WDFY3: variants seen among roughly 807,000 people sequenced by gnomAD.
WDFY3 encodes WD repeat and FYVE domain-containing protein 3.
A neutral mutation model predicts 409.6 loss-of-function variants in WDFY3; 66 were observed. The ratio of observed to expected loss-of-function variants is 0.16; its 90% CI spans 0.13 to 0.20. The LOEUF (loss-of-function observed/expected upper bound fraction) is 0.20. Among genes scored for constraint, WDFY3 ranks in the 10% least tolerant of loss-of-function variants. WDFY3 has a pLI of 1.00. For synonymous variants in WDFY3, 1,521 were observed against 1,537.1 expected (o/e 0.99, Z 0.25); for missense variants, 3,031 against 4,298.1 (o/e 0.71, Z 8.24).
chr4:84,877,237 C>A lies in WDFY3; in HGVS notation c.-31-16615G>T, dbSNP rs191831105. Among the ~76,000 whole-genome samples, 4 of 152,320 alleles carry A rather than the reference C, an allele frequency of 2.6e-5. No individual in the cohort carries two copies. In the East Asian group the frequency reaches 7.7e-4, roughly 29 times the overall value. ...TTGCTCTGCCTGCACGCACCCTGAG[C>A]CCTCTCCTGGGGGCTCTCCCCGTCT... is the stretch of plus-strand genomic sequence containing the variant. On this transcript the variant is annotated intron_variant, in intron 3 of 67. Coordinates refer to ENST00000295888, the MANE Select transcript of WDFY3 (RefSeq NM_014991.6).
chr4:84,787,840 G>T, intron 22 of WDFY3, 127 bp from the exon 23 acceptor site: 2 of 869,418 alleles, frequency 2.3e-6, no homozygotes, highest in Non-Finnish European at 3.5e-6. Context: ...AACATTTGGG[G>T]TGGAGAAACA....
At chr4:84,900,672 G>T (rs981626916) in intron 2 of WDFY3, among the ~76,000 whole-genome samples, 1 of 152,170 alleles carries the variant, frequency 6.6e-6, no homozygotes, top group South Asian at 2.1e-4. Flanking sequence ...GTTGCCAGGG[G>T]TTAGAGGTGA....
intron 1 of WDFY3, among the ~76,000 whole-genome samples, chr4:84,955,283 G>A (rs982103842): frequency 6.6e-6 from 1 of 151,660 alleles, no homozygotes; most frequent in Admixed American, 6.6e-5. Flanking sequence ...ACAGTAAAGA[G>A]GAATTAAGAA....
At chr4:84,962,571 G>A (rs1775048282) in intron 1 of WDFY3, among the ~76,000 whole-genome samples, 2 of 152,038 alleles carry the variant, frequency 1.3e-5, no homozygotes, top group Admixed American at 1.3e-4. Flanking sequence ...CTTGACTGTG[G>A]TGGAGACTAT....
chr4:84,927,733 C>T (rs566716572), intron 2 of WDFY3, among the ~76,000 whole-genome samples: 25 of 152,232 alleles, frequency 1.6e-4, no homozygotes, highest in African/African-American at 6.0e-4. Flanking sequence ...CTCCTGCTGC[C>T]CTGTGAAGAT....
intron 13 of WDFY3, among the ~76,000 whole-genome samples, chr4:84,812,530 G>C (rs1752670269): frequency 6.6e-6 from 1 of 152,016 alleles, no homozygotes; most frequent in East Asian, 1.9e-4. Context: ...AACCTCAAAG[G>C]AAATACATGT....
At chr4:84,789,317 G>GAA (rs778391640) in intron 22 of WDFY3, among the ~76,000 whole-genome samples, 1 of 148,878 alleles carries the variant, frequency 6.7e-6, no homozygotes, top group East Asian at 2.0e-4. Flanking sequence ...TGAAAACAAA[G>GAA]AAAAAAAAAC....
At chr4:84,867,448 T>C (rs1296873197) in intron 3 of WDFY3, among the ~76,000 whole-genome samples, 1 of 152,224 alleles carries the variant, frequency 6.6e-6, no homozygotes, top group Non-Finnish European at 1.5e-5. Flanking sequence ...TTATAAGGAT[T>C]ATTGTGTATA....
intron 1 of WDFY3, among the ~76,000 whole-genome samples, chr4:84,962,729 G>A (rs1422738232): frequency 1.3e-5 from 2 of 148,826 alleles, no homozygotes; most frequent in African/African-American, 2.5e-5. Flanking sequence ...GTTGGAGTGC[G>A]GTGGCGCCAT....
intron 1 of WDFY3, among the ~76,000 whole-genome samples, chr4:84,940,477 T>C: frequency 6.6e-6 from 1 of 152,062 alleles, no homozygotes; most frequent in East Asian, 1.9e-4. Context: ...TAAAAAAAGG[T>C]TTACTTTGAA....
chr4:84,710,331 A>T (rs1340079791), intron 51 of WDFY3, among the ~76,000 whole-genome samples: 2 of 152,246 alleles, frequency 1.3e-5, no homozygotes, highest in Non-Finnish European at 2.9e-5. Context: ...GTATAACAGG[A>T]AAGTCATTGC....
chr4:84,817,617 C>T (rs753725688), intron 12 of WDFY3, 32 bp from the exon 13 acceptor site: 9 of 1,557,034 alleles, frequency 5.8e-6, no homozygotes, highest in Non-Finnish European at 7.0e-6. Flanking sequence ...CCAACAATGG[C>T]TACTTTAAAA....
intron 45 of WDFY3, among the ~76,000 whole-genome samples, chr4:84,725,762 C>T (rs1031428792): frequency 2.6e-5 from 4 of 152,102 alleles, no homozygotes; most frequent in East Asian, 1.9e-4. Flanking sequence ...TTTCAAGCAA[C>T]ATTTTTTTTA....
intron 29 of WDFY3, among the ~76,000 whole-genome samples, chr4:84,773,884 C>A (rs1490485220): frequency 6.6e-6 from 1 of 152,096 alleles, no homozygotes; most frequent in Non-Finnish European, 1.5e-5. Context: ...CCATGCCTGG[C>A]TAATTGTTCC....
At chr4:84,847,493 G>A (rs908492660) in intron 5 of WDFY3, among the ~76,000 whole-genome samples, 14 of 151,464 alleles carry the variant, frequency 9.2e-5, no homozygotes, top group Middle Eastern at 3.4e-3. Context: ...ACCGCCGGGC[G>A]CAGTGGCTCA....
At chr4:84,730,631 T>C (rs541028388) in intron 44 of WDFY3, among the ~76,000 whole-genome samples, 1 of 152,302 alleles carries the variant, frequency 6.6e-6, no homozygotes, top group East Asian at 1.9e-4. Context: ...TTCAGAGGGC[T>C]GTTATAAGAC....
At chr4:84,676,857 A>C (rs1315902307) in intron 67 of WDFY3, among the ~76,000 whole-genome samples, 1 of 152,200 alleles carries the variant, frequency 6.6e-6, no homozygotes, top group Non-Finnish European at 1.5e-5. Context: ...GCATAAAAAC[A>C]TGGAGAATGG....
chr4:84,691,481 C>G (rs1729252731), intron 60 of WDFY3, 150 bp downstream of exon 60: 1 of 782,108 alleles, frequency 1.3e-6, no homozygotes, highest in Non-Finnish European at 2.0e-6. Flanking sequence ...GCTCTCCTTT[C>G]CCCAAATAGG....
At position 84,817,418 on chromosome 4, in the gene WDFY3, A is replaced by G; in HGVS notation, c.1861T>C (p.Leu621=). 2 of 1,613,718 alleles carry G rather than the reference A, an allele frequency of 1.2e-6. No homozygotes were observed. Among genetic ancestry groups the G allele is most frequent in the East Asian group, 2.2e-5 (1 of 44,868 alleles). Residue 621 remains leucine, a synonymous_variant, in exon 13 of 68, where the codon TTG becomes CTG. Coordinates refer to ENST00000295888, the MANE Select transcript of WDFY3 (RefSeq NM_014991.6). The part of the protein sequence containing the change: ...GLMHSAPPTE[L]QLKTDILRAL... Reference sequence around the variant, plus strand: ...CTTAAAATATCAGTCTTCAACTGCAATTCCGTCGGTGGGGCTGAATGCATT... The same window carrying G: ...CTTAAAATATCAGTCTTCAACTGCAGTTCCGTCGGTGGGGCTGAATGCATT...
Sources: gnomAD v4.1 joint callset for allele counts (sites outside exome capture counted in the v4.1 genomes callset) on GRCh38, gnomAD v4.1.1 for gene constraint, MANE v1.5 for transcripts, NCBI Gene and HGNC (gene_info 2026-07-23, HGNC 2026-07-21) for gene names.